Variants in CA13 observed in about 807,000 individuals in gnomAD.
CA13 encodes CA-XIII.
CA13 carries 21 observed loss-of-function variants against 31.5 expected under a neutral mutation model. The observed-to-expected ratio is 0.67, with a 90% CI of 0.47 to 0.96. CA13 has a LOEUF of 0.96. Among genes scored for constraint, CA13 ranks in the 40% least tolerant of loss-of-function variants. The pLI is 0.00. For missense variants in CA13, 315 were observed against 318.9 expected, an observed-to-expected ratio of 0.99 and a Z score of 0.09; for synonymous variants, 117 against 111.4, an observed-to-expected ratio of 1.05 and a Z score of -0.32.
At chr8:85,251,001 C>A in intron 2 of CA13, 64 bp downstream of exon 2, 13 of 771,816 alleles carry the variant, frequency 1.7e-5, no homozygotes, top group Non-Finnish European at 2.4e-5. Context: ...AGACTATACT[C>A]TTTTTTTTTT....
chr8:85,281,431 A>T lies in CA13; in HGVS notation c.*82A>T. The T allele has an allele frequency of 6.5e-7, 1 of 1,539,098 alleles. No homozygotes were observed. The highest frequency in any genetic ancestry group is 2.3e-5 in the East Asian group (1 of 43,532). The stretch of plus-strand genomic sequence containing the variant: ...CAAAGCACAAAAGTCTCTGCCAACA[A>T]CTCTTTTGTGGAATTCTAATTTATA... On this transcript the variant is annotated 3_prime_UTR_variant, in exon 7 of 7. Coordinates refer to ENST00000321764, the MANE Select transcript of CA13 (RefSeq NM_198584.3).
intron 2 of CA13, among the ~76,000 whole-genome samples, chr8:85,256,729 C>CT (rs1807302370): frequency 6.6e-6 from 1 of 152,168 alleles, no homozygotes. Context: ...CTTCACTAGA[C>CT]TAAGTTTCTT....
chr8:85,268,470 A>G lies in CA13; in HGVS notation c.514-2A>G, dbSNP rs868310212. 6.2e-7 allele frequency: 1 copy of G among 1,614,010 alleles called. No homozygotes were observed. The highest frequency in any genetic ancestry group is 1.3e-5 in the African/African-American group (1 of 75,054). ...TTGTGGGAATTCTTTTTGATCCTCC[A>G]GGGTAAACAAACTCGATTCACAAAT... On this transcript the variant is annotated splice_acceptor_variant, in intron 5 of 6. Transcript: ENST00000321764. LOFTEE classifies it high-confidence loss of function.
At chr8:85,264,163 A>G (rs1275010811) in intron 3 of CA13, among the ~76,000 whole-genome samples, 1 of 152,222 alleles carries the variant, frequency 6.6e-6, no homozygotes, top group African/African-American at 2.4e-5. Flanking sequence ...ACTTTATCTA[A>G]TGAAAGTTTA....
At chr8:85,263,557 T>C (rs1807415282) in intron 3 of CA13, among the ~76,000 whole-genome samples, 1 of 151,850 alleles carries the variant, frequency 6.6e-6, no homozygotes, top group Non-Finnish European at 1.5e-5. Flanking sequence ...GTCAATAGGG[T>C]TTGCTGATGA....
intron 2 of CA13, among the ~76,000 whole-genome samples, chr8:85,257,584 C>A (rs920311546): frequency 6.6e-6 from 1 of 151,212 alleles, no homozygotes; most frequent in Non-Finnish European, 1.5e-5. Context: ...ACTAGCTGGA[C>A]GTAGCTGTGT....
intron 3 of CA13, among the ~76,000 whole-genome samples, chr8:85,264,663 T>C (rs1807432099): frequency 6.6e-6 from 1 of 152,224 alleles, no homozygotes; most frequent in South Asian, 2.1e-4. Context: ...AGTTACACAT[T>C]CATTTTTTAA....
At chr8:85,268,085 A>G (rs992714058) in intron 5 of CA13, 121 bp downstream of exon 5, 3 of 624,308 alleles carry the variant, frequency 4.8e-6, no homozygotes, top group Non-Finnish European at 8.1e-6. Context: ...CTTGATGAAA[A>G]AAAGCAGAAG....
chr8:85,274,334 G>A (rs941062398), intron 6 of CA13, among the ~76,000 whole-genome samples: 1 of 152,170 alleles, frequency 6.6e-6, no homozygotes, highest in African/African-American at 2.4e-5. Flanking sequence ...AGCACCGTCT[G>A]GATTTTTTGG....
chr8:85,279,948 A>G (rs1451725122), intron 6 of CA13, among the ~76,000 whole-genome samples: 2 of 151,996 alleles, frequency 1.3e-5, no homozygotes, highest in Admixed American at 1.3e-4. Context: ...CGTTGTAAAC[A>G]TTTGTCTCCT....
At chr8:85,280,785 T>C (rs1238039078) in intron 6 of CA13, among the ~76,000 whole-genome samples, 1 of 152,152 alleles carries the variant, frequency 6.6e-6, no homozygotes, top group Non-Finnish European at 1.5e-5. Flanking sequence ...AAAATAGTGA[T>C]GTAGGTTGAT....
Position 85,266,620 on chromosome 8 carries a change from C to G in CA13, c.367C>G (p.His123Asp). 6.2e-7 allele frequency: 1 copy of G among 1,613,464 alleles called. No individual in the cohort carries two copies. The highest frequency in any genetic ancestry group is 1.3e-5 in the African/African-American group (1 of 75,032). The change falls in exon 4 of 7, where the codon CAC (histidine) becomes GAC (aspartate). Residue 123 changes from histidine to aspartate, a missense_variant. By Grantham distance (81) the His-to-Asp change is moderately conservative (BLOSUM62 -1). Transcript: ENST00000321764. ...VSYAAELHVV[H>D]WNSDKYPSFV... ...ATCTCCCTTTCAGCTCCATGTTGTTCACTGGAATTCAGACAAATACCCCAG... is the reference window on the plus strand; with the variant it reads ...ATCTCCCTTTCAGCTCCATGTTGTTGACTGGAATTCAGACAAATACCCCAG...
At position 85,281,325 on chromosome 8, in the gene CA13, C is replaced by T. The variant is rs1269397390; in HGVS notation, c.765C>T (p.Arg255=). The change falls in exon 7 of 7, where the codon CGC becomes CGT. Residue 255 remains arginine, a synonymous_variant. Transcript: ENST00000321764. ...GCCCACCACAGCCTCTAAAGGGCCG[C>T]AAAGTGAGAGCCTCTTTCCATTAAA... is the stretch of plus-strand genomic sequence containing the variant. The part of the protein sequence containing the change: ...NHRPPQPLKG[R]KVRASFH 11 of 1,613,962 alleles carry T rather than the reference C, an allele frequency of 6.8e-6. No individual in the cohort carries two copies. In the East Asian group the frequency reaches 2.2e-4, roughly 33 times the overall value.
At chr8:85,245,906 G>A (rs764110991) in intron 1 of CA13, 41 bp downstream of exon 1, 26 of 1,612,202 alleles carry the variant, frequency 1.6e-5, no homozygotes, top group Non-Finnish European at 2.1e-5. Flanking sequence ...TTTGTGCGGG[G>A]GACGAGAGGA....
intron 6 of CA13, among the ~76,000 whole-genome samples, chr8:85,276,114 C>A (rs1025673351): frequency 6.6e-6 from 1 of 151,538 alleles, no homozygotes; most frequent in East Asian, 1.9e-4. Flanking sequence ...CGGGCCAGCA[C>A]GAGTTCCGGG....
chr8:85,266,739 C>T (rs1807463198), intron 4 of CA13, 36 bp downstream of exon 4: 1 of 1,518,000 alleles, frequency 6.6e-7, no homozygotes, highest in Non-Finnish European at 9.1e-7. Context: ...AATGATCAGC[C>T]TTGTTGAAGA....
intron 2 of CA13, among the ~76,000 whole-genome samples, chr8:85,258,913 C>T (rs138665628): frequency 1.6e-3 from 234 of 150,610 alleles, no homozygotes; most frequent in African/African-American, 4.9e-3. Context: ...GGCAACAGGG[C>T]GAGACCTTGT....
chr8:85,246,237 G>A (rs1813727540), intron 1 of CA13: 1 of 465,084 alleles, frequency 2.2e-6, no homozygotes, highest in East Asian at 5.4e-5. Flanking sequence ...AGTGAAATAA[G>A]GACAAGTTCG....
At chr8:85,257,550 A>G (rs1389592157) in intron 2 of CA13, among the ~76,000 whole-genome samples, 4 of 150,972 alleles carry the variant, frequency 2.6e-5, no homozygotes, top group Admixed American at 6.6e-5. Context: ...ATGAAACCCC[A>G]TCCCTGCAAA....
Sources: allele counts gnomAD v4.1 joint callset (sites outside exome capture counted in the v4.1 genomes callset), GRCh38; gene constraint gnomAD v4.1.1; transcripts MANE v1.5; gene names NCBI Gene and HGNC (gene_info 2026-07-23, HGNC 2026-07-21).